ORC2: variants seen among roughly 807,000 people sequenced by gnomAD.
ORC2 encodes origin recognition complex protein 2 homolog.
ORC2 carries 37 observed loss-of-function variants against 77.7 expected under a neutral mutation model. That is an observed-to-expected ratio of 0.48 (90% confidence interval 0.37 to 0.63). ORC2 has a LOEUF of 0.63. ORC2 is among the 20% of genes least tolerant of loss of function. The probability of loss-of-function intolerance (pLI) is 0.00; values close to 1 mark genes in which losing one functional copy is unlikely to be tolerated. For missense variants in ORC2, 557 were observed against 661.9 expected, an observed-to-expected ratio of 0.84 and a Z score of 1.74; for synonymous variants, 201 against 229.5, an observed-to-expected ratio of 0.88 and a Z score of 1.12.
intron 9 of ORC2, among the ~76,000 whole-genome samples, chr2:200,934,215 A>C (rs753589529): frequency 1.3e-5 from 2 of 152,204 alleles, no homozygotes; most frequent in Admixed American, 6.5e-5. Flanking sequence ...CTGTTCCTAA[A>C]AATGATTCCT....
chr2:200,938,175 C>T lies in ORC2; in HGVS notation c.454-209G>A, dbSNP rs542310858. On this transcript the variant is annotated intron_variant, in intron 7 of 17. Coordinates refer to ENST00000234296, the MANE Select transcript of ORC2 (RefSeq NM_006190.5). ...TCCCAAGTAGCTGTGATTATAGGCA[C>T]GTGCCACCACACCCAGCTAATTTTT... Among the ~76,000 whole-genome samples the T allele has an allele frequency of 5.9e-5, 9 of 152,232 alleles. No individual in the cohort carries two copies. In the South Asian group the frequency reaches 6.2e-4, roughly 11 times the overall value.
At chr2:200,935,608 T>C (rs2041026726) in intron 9 of ORC2, 91 bp downstream of exon 9, 1 of 878,210 alleles carries the variant, frequency 1.1e-6, no homozygotes, top group East Asian at 2.7e-5. Flanking sequence ...AGAAAAAATA[T>C]TATTTTGAGA....
chr2:200,939,676 A>G (rs1200225956), intron 7 of ORC2, among the ~76,000 whole-genome samples: 2 of 152,168 alleles, frequency 1.3e-5, no homozygotes, highest in African/African-American at 4.8e-5. Flanking sequence ...AGCCCGATAC[A>G]TATTTTCTCT....
intron 8 of ORC2, among the ~76,000 whole-genome samples, chr2:200,936,376 A>G (rs2041048661): frequency 6.6e-6 from 1 of 152,236 alleles, no homozygotes. Flanking sequence ...AATAGCTGGC[A>G]GCTTCTGAGA....
At chr2:200,941,390 C>A (rs896571941) in intron 6 of ORC2, 111 bp from the exon 7 acceptor site, 43 of 912,652 alleles carry the variant, frequency 4.7e-5, no homozygotes, top group Non-Finnish European at 7.0e-5. Flanking sequence ...CATCTGTAAT[C>A]CCAGCACTTT....
intron 10 of ORC2, among the ~76,000 whole-genome samples, chr2:200,933,219 G>A (rs1438736075): frequency 6.7e-6 from 1 of 149,336 alleles, no homozygotes; most frequent in Non-Finnish European, 1.5e-5. Context: ...AAGTATAACT[G>A]TATGGTATTT....
At chr2:200,946,797 T>A (rs1384615689) in intron 5 of ORC2, among the ~76,000 whole-genome samples, 1 of 152,190 alleles carries the variant, frequency 6.6e-6, no homozygotes, top group African/African-American at 2.4e-5. Context: ...AGGGTTTCAT[T>A]TTGGTCTTGC....
chr2:200,925,876 T>G lies in ORC2; in HGVS notation c.1107A>C (p.Ile369=), dbSNP rs2040830370. Residue 369 remains isoleucine (I), a synonymous_variant, in exon 13 of 18, where the codon ATA becomes ATC. Coordinates refer to ENST00000234296, the MANE Select transcript of ORC2 (RefSeq NM_006190.5). ...VLDHMGTFRS[I]LDQLDWIVNK... ...TTACTATCCAGTCTAGCTGATCCAGTATACTGCGGAAAGTACCCATATGAT... is the reference window on the plus strand; with the variant it reads ...TTACTATCCAGTCTAGCTGATCCAGGATACTGCGGAAAGTACCCATATGAT... The G allele has an allele frequency of 6.2e-7, 1 of 1,601,272 alleles. No homozygotes were observed. Among genetic ancestry groups the G allele is most frequent in the African/African-American group, 1.3e-5 (1 of 74,718 alleles).
At chr2:200,940,497 T>C (rs2041127169) in intron 7 of ORC2, among the ~76,000 whole-genome samples, 1 of 151,926 alleles carries the variant, frequency 6.6e-6, no homozygotes, top group Non-Finnish European at 1.5e-5. Flanking sequence ...AATGAGAAAA[T>C]TATACCACAA....
intron 4 of ORC2, among the ~76,000 whole-genome samples, chr2:200,950,334 A>C (rs2041329654): frequency 6.6e-6 from 1 of 152,216 alleles, no homozygotes; most frequent in East Asian, 1.9e-4. Context: ...GTATCAAAAA[A>C]AAAAGCTTTC....
In ORC2 at chr2:200,949,537, T is replaced by C; in HGVS notation, c.328+17A>G. ...GAAAGATGAGTAATAGTTATAGAAA[T>C]CAGAAAAGCAACATACCTAATTTAG... On this transcript the variant is annotated intron_variant, in intron 5 of 17. Coordinates refer to ENST00000234296, the MANE Select transcript of ORC2 (RefSeq NM_006190.5). 2 of 1,340,650 alleles carry C rather than the reference T, an allele frequency of 1.5e-6. No individual in the cohort carries two copies. Among genetic ancestry groups the C allele is most frequent in the South Asian group, 2.4e-5 (2 of 82,584 alleles). 83.0% of individuals were successfully genotyped at this position (1,340,650 alleles called of 1,614,324 possible). A position where few individuals can be genotyped will look rare whatever the true frequency, so the allele number is the denominator to read the frequency against.
Position 200,925,936 on chromosome 2 carries a change from T to G in ORC2, c.1051-4A>C. 7.0e-7 allele frequency: 1 copy of G among 1,420,356 alleles called. No homozygotes were observed. The highest frequency in any genetic ancestry group is 9.8e-7 in the Non-Finnish European group (1 of 1,015,980). 88.0% of individuals were successfully genotyped at this position (1,420,356 alleles called of 1,614,324 possible). A position where few individuals can be genotyped will look rare whatever the true frequency, so the allele number is the denominator to read the frequency against. On this transcript the variant is annotated splice_polypyrimidine_tract_variant and splice_region_variant and intron_variant, in intron 12 of 17. Coordinates refer to ENST00000234296, the MANE Select transcript of ORC2 (RefSeq NM_006190.5). ...CTTCTGTTATAGAATTCAGGACCTA[T>G]ATCATGAATGTGGAAGAGGTACCAC...
At chr2:200,924,965 G>C (rs2040818424) in intron 13 of ORC2, among the ~76,000 whole-genome samples, 1 of 152,062 alleles carries the variant, frequency 6.6e-6, no homozygotes, top group Admixed American at 6.6e-5. Flanking sequence ...TCACCATATT[G>C]GCCAGGCTGG....
intron 4 of ORC2, 110 bp from the exon 5 acceptor site, chr2:200,949,753 T>C (rs2041317422): frequency 5.8e-6 from 3 of 518,460 alleles, no homozygotes; most frequent in South Asian, 2.9e-5. Flanking sequence ...TGCATAAAGA[T>C]TTAACTATAT....
At chr2:200,958,001 T>C (rs897039481) in intron 3 of ORC2, 29 bp downstream of exon 3, 30 of 1,272,722 alleles carry the variant, frequency 2.4e-5, no homozygotes, top group Non-Finnish European at 3.4e-5. Context: ...ATAATAAGCA[T>C]CTCTTCAAAT....
intron 4 of ORC2, among the ~76,000 whole-genome samples, chr2:200,950,834 G>A (rs775468582): frequency 5.3e-5 from 8 of 152,114 alleles, no homozygotes; most frequent in Admixed American, 3.3e-4. Flanking sequence ...TTCCACCAAC[G>A]CTTGGTTTTA....
At chr2:200,948,284 A>G (rs2041289170) in intron 5 of ORC2, among the ~76,000 whole-genome samples, 1 of 152,104 alleles carries the variant, frequency 6.6e-6, no homozygotes, top group Non-Finnish European at 1.5e-5. Flanking sequence ...ACTGGCCTCA[A>G]GCGATCCTCC....
chr2:200,924,142 G>A (rs1437180330), intron 13 of ORC2, among the ~76,000 whole-genome samples: 2 of 152,184 alleles, frequency 1.3e-5, no homozygotes, highest in African/African-American at 2.4e-5. Flanking sequence ...AGGCCTAGGA[G>A]TTTGAGACCA....
chr2:200,933,972 A>G lies in ORC2; in HGVS notation c.711T>C (p.Ser237=). 6.3e-7 allele frequency: 1 copy of G among 1,576,358 alleles called. No individual in the cohort carries two copies. The highest frequency in any genetic ancestry group is 8.7e-7 in the Non-Finnish European group (1 of 1,148,788). ...CTTCAAAATATTCTTCTACTAAGTC[A>G]CTCTGAAAGTGAACAGAGTAGTCAG... ...PSKRMKRDKT[S]DLVEEYFEAH... Residue 237 remains serine, a splice_region_variant and synonymous_variant, in exon 10 of 18, where the codon AGT becomes AGC. Coordinates refer to ENST00000234296, the MANE Select transcript of ORC2 (RefSeq NM_006190.5).
Sources: allele counts gnomAD v4.1 joint callset (sites outside exome capture counted in the v4.1 genomes callset), GRCh38; gene constraint gnomAD v4.1.1; transcripts MANE v1.5; gene names NCBI Gene and HGNC (gene_info 2026-07-23, HGNC 2026-07-21).